SLC8A3: variants seen among roughly 807,000 people sequenced by gnomAD.
The protein encoded by SLC8A3 is sodium/calcium exchanger 3.
A neutral mutation model predicts 65.4 loss-of-function variants in SLC8A3; 37 were observed. That is an observed-to-expected ratio of 0.57 (90% CI 0.44 to 0.74). The LOEUF is 0.74. Ranked by LOEUF, SLC8A3 falls within the 30% of genes least tolerant of loss-of-function variation. The pLI, the probability that SLC8A3 is intolerant of heterozygous loss-of-function variation, is 0.00. For missense variants in SLC8A3, 1,112 were observed against 1,172.1 expected (o/e 0.95, Z 0.75); for synonymous variants, 461 against 444.5 (o/e 1.04, Z -0.47).
At chr14:70,144,212 G>A (rs1229406995) in intron 2 of SLC8A3, among the ~76,000 whole-genome samples, 5 of 150,606 alleles carry the variant, frequency 3.3e-5, no homozygotes, top group Admixed American at 6.7e-5. Context: ...AAAAGTCTCC[G>A]TCTGTTGCCA....
intron 3 of SLC8A3, among the ~76,000 whole-genome samples, chr14:70,053,826 T>C (rs1887766742): frequency 6.6e-6 from 1 of 152,244 alleles, no homozygotes; most frequent in South Asian, 2.1e-4. Flanking sequence ...TGTTAATTGA[T>C]TGAGTCACAT....
At chr14:70,182,102 C>T (rs1882800744) in intron 1 of SLC8A3, among the ~76,000 whole-genome samples, 1 of 152,016 alleles carries the variant, frequency 6.6e-6, no homozygotes, top group Admixed American at 6.6e-5. Flanking sequence ...TCAAGCAATA[C>T]TTGGGGAACA....
At chr14:70,151,181 G>C (rs561649665) in intron 2 of SLC8A3, among the ~76,000 whole-genome samples, 1 of 152,032 alleles carries the variant, frequency 6.6e-6, no homozygotes, top group South Asian at 2.1e-4. Context: ...TTGAACCTGG[G>C]AGGCAGAGGT....
chr14:70,083,432 C>G (rs1891204822), intron 2 of SLC8A3, among the ~76,000 whole-genome samples: 2 of 152,150 alleles, frequency 1.3e-5, no homozygotes, highest in Non-Finnish European at 2.9e-5. Flanking sequence ...AAACAAAATC[C>G]TGTTGGGGAT....
intron 2 of SLC8A3, among the ~76,000 whole-genome samples, chr14:70,064,379 G>A (rs1889169819): frequency 6.6e-6 from 1 of 152,120 alleles, no homozygotes; most frequent in African/African-American, 2.4e-5. Flanking sequence ...TTGAGACAAG[G>A]GAAAATTTTT....
chr14:70,125,768 A>G (rs138526891), intron 2 of SLC8A3, among the ~76,000 whole-genome samples: 1 of 151,974 alleles, frequency 6.6e-6, no homozygotes, highest in Admixed American at 6.5e-5. Flanking sequence ...GCTTTTTTTT[A>G]AAAAAGAACA....
chr14:70,078,150 C>T (rs781172846), intron 2 of SLC8A3, among the ~76,000 whole-genome samples: 1 of 152,162 alleles, frequency 6.6e-6, no homozygotes, highest in African/African-American at 2.4e-5. Context: ...CAGGCAGACT[C>T]GTTCACCTGA....
At chr14:70,152,849 T>C (rs1304097383) in intron 2 of SLC8A3, among the ~76,000 whole-genome samples, 1 of 152,122 alleles carries the variant, frequency 6.6e-6, no homozygotes, top group African/African-American at 2.4e-5. Context: ...CCCTGTAGAG[T>C]GGCAGGGGGC....
chr14:70,050,193 C>T (rs1887323137), intron 5 of SLC8A3, among the ~76,000 whole-genome samples: 1 of 152,100 alleles, frequency 6.6e-6, no homozygotes, highest in Non-Finnish European at 1.5e-5. Flanking sequence ...TTGAGGGGCA[C>T]AGTCAGGTCA....
At chr14:70,054,319 T>TA (rs1887836934) in intron 3 of SLC8A3, among the ~76,000 whole-genome samples, 1 of 152,138 alleles carries the variant, frequency 6.6e-6, no homozygotes, top group Admixed American at 6.5e-5. Flanking sequence ...CTAGGAAAAT[T>TA]AAAACCAGTA....
chr14:70,065,272 A>G (rs1403636351), intron 2 of SLC8A3, among the ~76,000 whole-genome samples: 1 of 152,118 alleles, frequency 6.6e-6, no homozygotes, highest in African/African-American at 2.4e-5. Flanking sequence ...TGCAGTGTCC[A>G]TATTGTTGAT....
At chr14:70,081,166 C>T (rs1170987969) in intron 2 of SLC8A3, among the ~76,000 whole-genome samples, 1 of 152,152 alleles carries the variant, frequency 6.6e-6, no homozygotes, top group African/African-American at 2.4e-5. Flanking sequence ...ACAAAACCTC[C>T]TTCCACTTCA....
At chr14:70,062,932 A>AG (rs1888981294) in intron 2 of SLC8A3, among the ~76,000 whole-genome samples, 2 of 152,136 alleles carry the variant, frequency 1.3e-5, no homozygotes, top group African/African-American at 4.8e-5. Context: ...AGGGGAAGGA[A>AG]CATTGCCCTC....
At chr14:70,052,780 T>A (rs1594891685) in intron 3 of SLC8A3, among the ~76,000 whole-genome samples, 1 of 152,226 alleles carries the variant, frequency 6.6e-6, no homozygotes, top group South Asian at 2.1e-4. Flanking sequence ...CATCTTCCCA[T>A]CCAAGTCCAC....
rs1039762893 is a variant in SLC8A3, at chr14:70,153,944, C to T, written c.1784+12695G>A. 3.3e-5 allele frequency among the ~76,000 whole-genome samples: 5 copies of T among 152,222 alleles called. No homozygotes were observed. The East Asian group carries it at 5.8e-4, about 18-fold the overall frequency. On this transcript the variant is annotated intron_variant, in intron 2 of 6. Transcript: ENST00000356921. ...GGCAGCCGGCCAAAGCATCATCTGTCGGTAGTTGCTGGTGATGAAGTGACA... is the reference window on the plus strand; with the variant it reads ...GGCAGCCGGCCAAAGCATCATCTGTTGGTAGTTGCTGGTGATGAAGTGACA...
chr14:70,189,163 A>G (rs1883610164), upstream of SLC8A3: 1 of 152,066 alleles, frequency 6.6e-6, no homozygotes, highest in African/African-American at 2.4e-5. Context: ...TCGAGCCCGC[A>G]TCCCGCATCC....
chr14:70,052,751 C>G (rs889192777), intron 3 of SLC8A3, among the ~76,000 whole-genome samples: 2 of 152,198 alleles, frequency 1.3e-5, no homozygotes, highest in Non-Finnish European at 2.9e-5. Flanking sequence ...CAGCTTGTTT[C>G]TTTCAGAGCT....
intron 1 of SLC8A3, among the ~76,000 whole-genome samples, chr14:70,186,763 G>C (rs1428684008): frequency 2.0e-5 from 3 of 152,158 alleles, no homozygotes; most frequent in Non-Finnish European, 2.9e-5. Context: ...CTCCTTTGGA[G>C]ACCTGCAATG....
At chr14:70,189,157 GC>G (rs1566845349), upstream of SLC8A3, 1 of 152,234 alleles carries the variant, frequency 6.6e-6, no homozygotes, top group African/African-American at 2.4e-5. Flanking sequence ...AGGAAGTCGA[GC>G]CCGCATCCCG....
Sources: gnomAD v4.1 joint callset for allele counts (sites outside exome capture counted in the v4.1 genomes callset) on GRCh38, gnomAD v4.1.1 for gene constraint, MANE v1.5 for transcripts, NCBI Gene and HGNC (gene_info 2026-07-23, HGNC 2026-07-21) for gene names.